The following SLCO3A1 variants were observed in gnomAD, a reference collection of about 807,000 sequenced individuals.
SLCO3A1 encodes solute carrier organic anion transporter family member 3A1.
SLCO3A1 carries 27 observed loss-of-function variants against 63.1 expected under a neutral mutation model. The ratio of observed to expected loss-of-function variants is 0.43; its 90% CI spans 0.32 to 0.59. The LOEUF (loss-of-function observed/expected upper bound fraction) is 0.59. Among genes scored for constraint, SLCO3A1 ranks in the 20% least tolerant of loss-of-function variants. SLCO3A1 has a pLI of 0.09. For synonymous variants in SLCO3A1, 473 were observed against 409.9 expected, an observed-to-expected ratio of 1.15 and a Z score of -1.86; for missense variants, 773 against 945.8, an observed-to-expected ratio of 0.82 and a Z score of 2.40.
At chr15:92,138,087 C>G (rs1359169852) in intron 7 of SLCO3A1, among the ~76,000 whole-genome samples, 1 of 112,208 alleles carries the variant, frequency 8.9e-6, no homozygotes, top group Non-Finnish European at 1.7e-5. Flanking sequence ...AGGTTTTCTT[C>G]TAGGGTTTTT....
intron 9 of SLCO3A1, among the ~76,000 whole-genome samples, chr15:92,155,017 A>G (rs1033062607): frequency 3.3e-5 from 5 of 152,180 alleles, no homozygotes; most frequent in Admixed American, 6.5e-5. Flanking sequence ...AGGGGTCAAG[A>G]GCGTGGATGT....
At chr15:91,979,260 C>G (rs1219412133) in intron 2 of SLCO3A1, among the ~76,000 whole-genome samples, 1 of 152,076 alleles carries the variant, frequency 6.6e-6, no homozygotes, top group Non-Finnish European at 1.5e-5. Context: ...GGACCCAAGC[C>G]TCAACATGAA....
chr15:92,032,024 G>A (rs1281824967), intron 2 of SLCO3A1, among the ~76,000 whole-genome samples: 1 of 152,118 alleles, frequency 6.6e-6, no homozygotes, highest in Non-Finnish European at 1.5e-5. Context: ...GATTGGCATG[G>A]GGACTGAGGC....
intron 2 of SLCO3A1, among the ~76,000 whole-genome samples, chr15:92,016,242 TAGATAGATAGATTAGATAGA>T (rs1354613664): frequency 6.1e-4 from 33 of 53,852 alleles, no homozygotes; most frequent in African/African-American, 3.1e-3. Flanking sequence ...GATAGATAGA[TAGATAGATAGATTAGATAGA>T]TAGATAGATA....
At chr15:92,098,415 T>C (rs1407041571) in intron 3 of SLCO3A1, among the ~76,000 whole-genome samples, 1 of 152,168 alleles carries the variant, frequency 6.6e-6, no homozygotes, top group African/African-American at 2.4e-5. Context: ...TCAGGGAGAA[T>C]AAATCCCTCC....
chr15:92,024,408 CAT>C (rs1042887526), intron 2 of SLCO3A1, among the ~76,000 whole-genome samples: 2 of 152,198 alleles, frequency 1.3e-5, no homozygotes, highest in African/African-American at 4.8e-5. Context: ...AGTGTATGGA[CAT>C]ACTGTGCTGT....
intron 2 of SLCO3A1, among the ~76,000 whole-genome samples, chr15:92,043,110 A>G (rs1056138128): frequency 6.8e-6 from 1 of 147,082 alleles, no homozygotes; most frequent in African/African-American, 2.5e-5. Flanking sequence ...TTGAGCTGTG[A>G]TGTTAGTAGT....
At chr15:92,139,438 T>C (rs529468694) in intron 7 of SLCO3A1, among the ~76,000 whole-genome samples, 80 of 152,266 alleles carry the variant, frequency 5.3e-4, no homozygotes, top group African/African-American at 1.8e-3. Context: ...TAAAATTTTC[T>C]TTTTTGGTTG....
chr15:92,090,297 A>G (rs2047456070), intron 2 of SLCO3A1, among the ~76,000 whole-genome samples: 1 of 152,182 alleles, frequency 6.6e-6, no homozygotes, highest in South Asian at 2.1e-4. Context: ...GATGTCAGGT[A>G]TTGCTGTGTT....
chr15:91,907,386 A>G (rs957166498), intron 1 of SLCO3A1, among the ~76,000 whole-genome samples: 2 of 151,808 alleles, frequency 1.3e-5, no homozygotes, highest in African/African-American at 4.8e-5. Flanking sequence ...TTGTATTTTT[A>G]GTAGAGATGG....
intron 2 of SLCO3A1, among the ~76,000 whole-genome samples, chr15:92,040,013 G>A (rs535575671): frequency 1.1e-4 from 16 of 152,230 alleles, no homozygotes; most frequent in Non-Finnish European, 1.9e-4. Context: ...GAGCTGAGCA[G>A]TGAGAACACA....
intron 2 of SLCO3A1, among the ~76,000 whole-genome samples, chr15:92,079,080 G>C (rs1877871280): frequency 6.6e-6 from 1 of 152,218 alleles, no homozygotes; most frequent in South Asian, 2.1e-4. Flanking sequence ...TGGTCCCACA[G>C]GTCAGAGCTC....
chr15:91,891,442 A>G (rs1897868583), intron 1 of SLCO3A1, among the ~76,000 whole-genome samples: 1 of 152,154 alleles, frequency 6.6e-6, no homozygotes, highest in South Asian at 2.1e-4. Flanking sequence ...AGAACCTCCC[A>G]TAGGGTCAGC....
In SLCO3A1 at chr15:91,946,758, C is replaced by G. The variant is rs1432070721; in HGVS notation, c.646+30300C>G. 2.0e-5 allele frequency among the ~76,000 whole-genome samples: 3 copies of G among 152,096 alleles called. No homozygotes were observed. The East Asian group carries it at 5.8e-4, about 29-fold the overall frequency. ...AGCATGCTGTCAGAACCCCCAGTTC[C>G]CAGTTTAGTTGTCATAATGCTTAAA... On this transcript the variant is annotated intron_variant, in intron 2 of 9. Transcript: ENST00000318445.
intron 2 of SLCO3A1, among the ~76,000 whole-genome samples, chr15:92,009,723 C>T (rs1164118263): frequency 6.6e-6 from 1 of 152,214 alleles, no homozygotes; most frequent in Non-Finnish European, 1.5e-5. Context: ...TTACCTCCTT[C>T]TAAAAGCTTC....
chr15:91,939,250 A>G (rs72751987), intron 2 of SLCO3A1, among the ~76,000 whole-genome samples: 9,042 of 152,116 alleles, frequency 0.059, 384 homozygotes, highest in Non-Finnish European at 0.09. Context: ...GGGAGGTGCC[A>G]CACACTTTTC....
chr15:91,890,272 C>A (rs779788884), intron 1 of SLCO3A1, among the ~76,000 whole-genome samples: 30 of 152,190 alleles, frequency 2.0e-4, no homozygotes, highest in Admixed American at 3.9e-4. Context: ...TATAATTGTT[C>A]ATCTCTCCAT....
chr15:92,049,642 G>C (rs868008486), intron 2 of SLCO3A1, among the ~76,000 whole-genome samples: 1 of 152,108 alleles, frequency 6.6e-6, no homozygotes, highest in Non-Finnish European at 1.5e-5. Context: ...CCCAGAAATC[G>C]ATCTTTACCA....
intron 2 of SLCO3A1, among the ~76,000 whole-genome samples, chr15:91,961,453 CT>C (rs1900442829): frequency 2.0e-5 from 3 of 152,210 alleles, no homozygotes; most frequent in Admixed American, 2.0e-4. Context: ...TGGTTCTACT[CT>C]GAGGAAAGGA....
Sources: gnomAD v4.1 joint callset for allele counts (sites outside exome capture counted in the v4.1 genomes callset) on GRCh38, gnomAD v4.1.1 for gene constraint, MANE v1.5 for transcripts, NCBI Gene and HGNC (gene_info 2026-07-23, HGNC 2026-07-21) for gene names.